Variants in NCAPG2 observed in about 807,000 individuals in gnomAD.
NCAPG2 encodes condensin-2 complex subunit G2.
NCAPG2 carries 53 observed loss-of-function variants against 141.1 expected under a neutral mutation model. The ratio of observed to expected loss-of-function variants is 0.38; its 90% CI spans 0.30 to 0.47. The LOEUF (loss-of-function observed/expected upper bound fraction) is 0.47, where lower values mean the gene tolerates loss of function less well. NCAPG2 is among the 20% of genes least tolerant of loss of function. NCAPG2 has a pLI of 0.99. For synonymous variants in NCAPG2, 499 were observed against 490.7 expected, an observed-to-expected ratio of 1.02 and a Z score of -0.22; for missense variants, 1,087 against 1,389.0, an observed-to-expected ratio of 0.78 and a Z score of 3.46.
chr7:158,650,769 G>A, intron 24 of NCAPG2, 63 bp downstream of exon 24: 1 of 1,523,230 alleles, frequency 6.6e-7, no homozygotes, highest in East Asian at 2.4e-5. Flanking sequence ...TGTACTGCTA[G>A]TAGAAACACC....
chr7:158,652,535 C>T lies in NCAPG2; in HGVS notation c.2747-55G>A, dbSNP rs919110413. The T allele has an allele frequency of 3.8e-6, 5 of 1,324,742 alleles. No homozygotes were observed. The African/African-American group carries it at 7.4e-5, about 20-fold the overall frequency. The allele number at this position is 1,324,742 out of a possible 1,614,324, so 82.1% of individuals were successfully genotyped here. On this transcript the variant is annotated intron_variant, in intron 22 of 27. Transcript: ENST00000356309. ...TCTAATCACACAAGTTTGTTGAAAT[C>T]ATTACACATTTCTCACTTAACACAT... is the stretch of plus-strand genomic sequence containing the variant.
intron 8 of NCAPG2, among the ~76,000 whole-genome samples, chr7:158,685,695 C>T (rs1002062572): frequency 1.9e-4 from 29 of 152,158 alleles, no homozygotes; most frequent in Admixed American, 1.4e-3. Flanking sequence ...ATTTTTTTCC[C>T]AAATATTTTC....
chr7:158,700,947 C>G (rs999462655), intron 2 of NCAPG2, among the ~76,000 whole-genome samples: 1 of 152,188 alleles, frequency 6.6e-6, no homozygotes, highest in African/African-American at 2.4e-5. Flanking sequence ...ATGACTTAGG[C>G]TTCCATGCCC....
chr7:158,640,236 T>C (rs1262468835), intron 27 of NCAPG2: 2 of 152,052 alleles, frequency 1.3e-5, no homozygotes, highest in Non-Finnish European at 2.9e-5. Context: ...GAAGAGAGTA[T>C]AGCGAAATGT....
chr7:158,673,975 G>C (rs1563551786), intron 12 of NCAPG2, among the ~76,000 whole-genome samples: 1 of 152,234 alleles, frequency 6.6e-6, no homozygotes, highest in African/African-American at 2.4e-5. Flanking sequence ...CTTTACTGGA[G>C]TAGTGGACAT....
intron 8 of NCAPG2, 48 bp downstream of exon 8, chr7:158,686,124 C>A: frequency 3.4e-6 from 4 of 1,169,466 alleles, no homozygotes; most frequent in Non-Finnish European, 4.8e-6. Context: ...TATTTAGTAA[C>A]TAAAATATAA....
chr7:158,677,570 T>C (rs373343737), intron 11 of NCAPG2, among the ~76,000 whole-genome samples: 17 of 144,726 alleles, frequency 1.2e-4, no homozygotes, highest in Admixed American at 8.2e-4. Context: ...TTTAGGAATC[T>C]GAAGGCCTGT....
chr7:158,689,686 A>T (rs1359962399), intron 6 of NCAPG2, 133 bp downstream of exon 6: 1 of 722,722 alleles, frequency 1.4e-6, no homozygotes, highest in African/African-American at 1.8e-5. Context: ...ATGCAGTAAA[A>T]ATCATGTGCA....
In NCAPG2 at chr7:158,654,681, A is replaced by G. The variant is rs1294223719; in HGVS notation, c.2660T>C (p.Val887Ala). 1.2e-6 allele frequency: 2 copies of G among 1,613,808 alleles called. No individual in the cohort carries two copies. Among genetic ancestry groups the G allele is most frequent in the South Asian group, 2.2e-5 (2 of 91,016 alleles). Residue 887 changes from valine to alanine, a missense_variant, in exon 22 of 28, where the codon GTG becomes GCG. By Grantham distance (64) the Val-to-Ala change is moderately conservative (BLOSUM62 0). Coordinates refer to ENST00000356309, the MANE Select transcript of NCAPG2 (RefSeq NM_017760.7). ...GCCTACCATAACAACATCTTTACAC[A>G]CAGTCAGGTAGGTCTGTAAGAGACA... ...YQQIIQTYLT[V>A]CKDVVMVGLG...
chr7:158,697,859 C>T (rs545600565), intron 2 of NCAPG2, among the ~76,000 whole-genome samples: 1 of 152,238 alleles, frequency 6.6e-6, no homozygotes, highest in South Asian at 2.1e-4. Context: ...CCAAATACAG[C>T]ATGTTCTCAC....
At position 158,656,445 on chromosome 7, in the gene NCAPG2, G is replaced by A. The variant is rs764242309; in HGVS notation, c.2215-12C>T. 2 of 1,612,696 alleles carry A rather than the reference G, an allele frequency of 1.2e-6. No homozygotes were observed. The highest frequency in any genetic ancestry group is 1.7e-6 in the Non-Finnish European group (2 of 1,179,438). Reference sequence around the variant, plus strand: ...GAAGCTGTGTTGCTCTGAAAGAAGAGAGAGAGAAACTGATAATGAAAACAC... The same window carrying A: ...GAAGCTGTGTTGCTCTGAAAGAAGAAAGAGAGAAACTGATAATGAAAACAC... On this transcript the variant is annotated splice_polypyrimidine_tract_variant and intron_variant, in intron 18 of 27. Coordinates refer to ENST00000356309, the MANE Select transcript of NCAPG2 (RefSeq NM_017760.7).
chr7:158,701,156 A>G (rs1443356451), intron 2 of NCAPG2, among the ~76,000 whole-genome samples: 1 of 152,144 alleles, frequency 6.6e-6, no homozygotes, highest in African/African-American at 2.4e-5. Flanking sequence ...GCCCTTCCCC[A>G]CCATATCCAT....
intron 16 of NCAPG2, among the ~76,000 whole-genome samples, chr7:158,659,664 G>A (rs1832321117): frequency 6.6e-6 from 1 of 152,132 alleles, no homozygotes; most frequent in Admixed American, 6.5e-5. Flanking sequence ...CTGGGAGAAT[G>A]AGGACATGGT....
chr7:158,664,817 G>C (rs1024156875), intron 13 of NCAPG2, 67 bp from the exon 14 acceptor site: 12 of 1,384,666 alleles, frequency 8.7e-6, no homozygotes, highest in Middle Eastern at 1.8e-4. Context: ...AACAGCTTAA[G>C]AAAAATTTCA....
At chr7:158,669,842 T>C (rs904787575) in intron 13 of NCAPG2, among the ~76,000 whole-genome samples, 3 of 150,756 alleles carry the variant, frequency 2.0e-5, no homozygotes, top group South Asian at 2.1e-4. Flanking sequence ...GGTCTCACTA[T>C]GTTGCCCAGG....
At chr7:158,666,554 A>G (rs1587176502) in intron 13 of NCAPG2, among the ~76,000 whole-genome samples, 2 of 151,396 alleles carry the variant, frequency 1.3e-5, no homozygotes, top group East Asian at 3.9e-4. Context: ...ACTTTTATCT[A>G]GTCTGCCACG....
chr7:158,687,500 A>ATTGTTTGTTATTTGG, intron 6 of NCAPG2, 58 bp from the exon 7 acceptor site: 1 of 1,261,834 alleles, frequency 7.9e-7, no homozygotes, highest in Non-Finnish European at 1.1e-6. Flanking sequence ...GTGCCAAATA[A>ATTGTTTGTTATTTGG]CAAACAATTA....
chr7:158,671,859 T>C (rs909448264), intron 12 of NCAPG2, among the ~76,000 whole-genome samples, 193 bp from the exon 13 acceptor site: 10 of 152,192 alleles, frequency 6.6e-5, no homozygotes, highest in Admixed American at 3.9e-4. Context: ...TGAACCAGTA[T>C]AGGTCCAACC....
chr7:158,680,941 C>T (rs1834417746), intron 9 of NCAPG2, 125 bp from the exon 10 acceptor site: 1 of 625,104 alleles, frequency 1.6e-6, no homozygotes, highest in Non-Finnish European at 2.6e-6. Context: ...TGGCTGGCAT[C>T]CACATGTCAT....
Sources: allele counts gnomAD v4.1 joint callset (sites outside exome capture counted in the v4.1 genomes callset), GRCh38; gene constraint gnomAD v4.1.1; transcripts MANE v1.5; gene names NCBI Gene and HGNC (gene_info 2026-07-23, HGNC 2026-07-21).